Variants in TMEM132C observed in about 807,000 individuals in gnomAD.
The protein encoded by TMEM132C is transmembrane protein 132C.
A neutral mutation model predicts 61.4 loss-of-function variants in TMEM132C; 29 were observed. That is an observed-to-expected ratio of 0.47 (90% CI 0.35 to 0.64). The LOEUF (loss-of-function observed/expected upper bound fraction) is 0.64, where lower values mean the gene tolerates loss of function less well. TMEM132C is among the 30% of genes least tolerant of loss of function. The pLI is 0.00. For missense variants in TMEM132C, 1,408 were observed against 1,476.9 expected, an observed-to-expected ratio of 0.95 and a Z score of 0.76; for synonymous variants, 656 against 633.1, an observed-to-expected ratio of 1.04 and a Z score of -0.54.
chr12:128,685,942 C>G (rs1188765339), intron 5 of TMEM132C, among the ~76,000 whole-genome samples: 1 of 152,204 alleles, frequency 6.6e-6, no homozygotes, highest in Non-Finnish European at 1.5e-5. Context: ...GCCTGGATAA[C>G]TGTGGCCAGT....
chr12:128,311,853 G>A (rs1003956724), intron 1 of TMEM132C, among the ~76,000 whole-genome samples: 3 of 152,208 alleles, frequency 2.0e-5, no homozygotes, highest in Admixed American at 1.3e-4. Context: ...CCACCTCTAC[G>A]CAGTGTTTTT....
chr12:128,408,569 A>AAAATATTACAAGTTGCCT (rs1868398781), intron 1 of TMEM132C, among the ~76,000 whole-genome samples: 1 of 152,226 alleles, frequency 6.6e-6, no homozygotes, highest in African/African-American at 2.4e-5. Context: ...TGGTTTTTAC[A>AAAATATTACAAGTTGCCT]AAATATTACA....
At chr12:128,700,048 G>A (rs866259107) in intron 8 of TMEM132C, among the ~76,000 whole-genome samples, 2 of 152,234 alleles carry the variant, frequency 1.3e-5, no homozygotes, top group Non-Finnish European at 2.9e-5. Context: ...AAAGCATGAA[G>A]CTATTTGCTG....
rs550409468 is a variant in TMEM132C at position 128,647,119 on chromosome 12, A to G, written c.1306-22298A>G. ...AGCGTTGGATGTGAGTGTGTTTACT[A>G]GATCCCATCAGTGTTGGATGTGAGT... On this transcript the variant is annotated intron_variant, in intron 4 of 8. Coordinates refer to ENST00000435159, the MANE Select transcript of TMEM132C (RefSeq NM_001136103.3). Among the ~76,000 whole-genome samples, 619 of 119,396 alleles carry G rather than the reference A, an allele frequency of 5.2e-3. 2 individuals are homozygous for G. The highest frequency in any genetic ancestry group is 0.022 in the African/African-American group (585 of 26,686). The allele number at this position is 119,396 out of a possible 152,430, so 78.3% of individuals were successfully genotyped here. A position where few individuals can be genotyped will look rare whatever the true frequency, so the allele number is the denominator to read the frequency against.
intron 1 of TMEM132C, among the ~76,000 whole-genome samples, chr12:128,317,485 A>C (rs1872191445): frequency 6.6e-6 from 1 of 152,254 alleles, no homozygotes; most frequent in African/African-American, 2.4e-5. Flanking sequence ...AAGATGAGTC[A>C]AGCTGAAAAG....
rs1868708395 is a variant in TMEM132C at position 128,414,945 on chromosome 12, G to C, written c.299G>C (p.Gly100Ala). The C allele has an allele frequency of 1.9e-6, 3 of 1,551,734 alleles. No homozygotes were observed. In the East Asian group the frequency reaches 7.3e-5, roughly 38 times the overall value. Residue 100 changes from glycine (G) to alanine (A), a missense_variant, in exon 2 of 9, where the codon GGA becomes GCA. Physicochemically the swap from Gly to Ala is moderately conservative, Grantham distance 60 (BLOSUM62 0). Transcript: ENST00000435159. ...CCCCCAGTGCTCAATGCCAGCTATG[G>C]ACCCTTTTCTGTGGAGAAGGTTGTG... ...RQPPVLNASY[G>A]PFSVEKVVPL...
At chr12:128,534,684 G>A (rs1565965681) in intron 2 of TMEM132C, among the ~76,000 whole-genome samples, 1 of 152,196 alleles carries the variant, frequency 6.6e-6, no homozygotes. Flanking sequence ...GACTCTGGTT[G>A]CAAAACTTCT....
chr12:128,347,482 G>A (rs1357082681), intron 1 of TMEM132C, among the ~76,000 whole-genome samples: 1 of 149,330 alleles, frequency 6.7e-6, no homozygotes, highest in East Asian at 1.9e-4. Context: ...AGGCTGGAGT[G>A]CACTGGTGCA....
chr12:128,623,881 TAAG>T lies in TMEM132C; in HGVS notation c.1305+7557_1305+7559del, dbSNP rs931164596. On this transcript the variant is annotated intron_variant, in intron 4 of 8. Coordinates refer to ENST00000435159, the MANE Select transcript of TMEM132C (RefSeq NM_001136103.3). Reference sequence around the variant, plus strand: ...AAACAGAGAATATTTACATAAGCAATAAGAAGAAGAAGACGAAAGTGAAAAGAG... The same window carrying T: ...AAACAGAGAATATTTACATAAGCAATAAGAAGAAGACGAAAGTGAAAAGAG... Among the ~76,000 whole-genome samples the T allele has an allele frequency of 4.6e-5, 7 of 151,872 alleles. No individual in the cohort carries two copies. In the South Asian group the frequency reaches 8.3e-4, roughly 18 times the overall value.
At chr12:128,501,502 G>A (rs1317360127) in intron 2 of TMEM132C, among the ~76,000 whole-genome samples, 2 of 152,134 alleles carry the variant, frequency 1.3e-5, no homozygotes, top group Admixed American at 6.5e-5. Context: ...TTGAGACCAT[G>A]GAAACCATTG....
chr12:128,399,135 A>G lies in TMEM132C; in HGVS notation c.86-15597A>G, dbSNP rs113886585. Reference sequence around the variant, plus strand: ...ATAACCAAACAAAACTACAGATGCTAACTAGCAAGCAGATGAAACTCACAT... The same window carrying G: ...ATAACCAAACAAAACTACAGATGCTGACTAGCAAGCAGATGAAACTCACAT... On this transcript the variant is annotated intron_variant, in intron 1 of 8. Transcript: ENST00000435159. 1.6e-3 allele frequency among the ~76,000 whole-genome samples: 251 copies of G among 152,328 alleles called. 1 individual carries two copies. Among genetic ancestry groups the G allele is most frequent in the Non-Finnish European group, 3.2e-3 (216 of 68,030 alleles).
chr12:128,311,940 A>G (rs139270449), intron 1 of TMEM132C, among the ~76,000 whole-genome samples: 2 of 152,346 alleles, frequency 1.3e-5, no homozygotes, highest in African/African-American at 2.4e-5. Context: ...TCCTCTGCTT[A>G]TCTCAGATTG....
intron 1 of TMEM132C, among the ~76,000 whole-genome samples, chr12:128,310,355 G>C (rs555245409): frequency 6.6e-6 from 1 of 152,266 alleles, no homozygotes; most frequent in South Asian, 2.1e-4. Context: ...CCTGAGGCTG[G>C]GTAATTTATA....
At chr12:128,495,258 A>G (rs1409705560) in intron 2 of TMEM132C, among the ~76,000 whole-genome samples, 1 of 152,030 alleles carries the variant, frequency 6.6e-6, no homozygotes, top group Admixed American at 6.6e-5. Context: ...ACTTCCAACT[A>G]TGTGGTCACT....
chr12:128,478,523 T>G (rs1188640025), intron 2 of TMEM132C, among the ~76,000 whole-genome samples: 3 of 152,160 alleles, frequency 2.0e-5, no homozygotes, highest in Non-Finnish European at 4.4e-5. Flanking sequence ...GACTTTCTCT[T>G]TATCCCAATG....
At chr12:128,530,517 C>T (rs1353691779) in intron 2 of TMEM132C, among the ~76,000 whole-genome samples, 2 of 152,152 alleles carry the variant, frequency 1.3e-5, no homozygotes, top group African/African-American at 2.4e-5. Flanking sequence ...AATCTCGGCT[C>T]ACTGCAGCCT....
chr12:128,404,104 C>G (rs1195145292), intron 1 of TMEM132C, among the ~76,000 whole-genome samples: 1 of 152,182 alleles, frequency 6.6e-6, no homozygotes, highest in East Asian at 1.9e-4. Flanking sequence ...AAGTGTTTCT[C>G]AAGAAAATCA....
At chr12:128,537,049 G>A (rs1234241206) in intron 2 of TMEM132C, among the ~76,000 whole-genome samples, 1 of 152,162 alleles carries the variant, frequency 6.6e-6, no homozygotes, top group African/African-American at 2.4e-5. Flanking sequence ...AATATTTATG[G>A]GAGGAGAAGC....
Position 128,461,207 on chromosome 12 carries a change from T to A in TMEM132C, c.974+45587T>A, listed in dbSNP as rs571460033. ...GGGGAAGAAGAGGCAGTTGGCATTT[T>A]AAAATCTACATGTTCTGATTCTCTT... On this transcript the variant is annotated intron_variant, in intron 2 of 8. Transcript: ENST00000435159. Among the ~76,000 whole-genome samples the A allele has an allele frequency of 9.2e-5, 14 of 152,288 alleles. No homozygotes were observed. In the East Asian group the frequency reaches 2.7e-3, roughly 29 times the overall value.
Sources: allele counts gnomAD v4.1 joint callset (sites outside exome capture counted in the v4.1 genomes callset), GRCh38; gene constraint gnomAD v4.1.1; transcripts MANE v1.5; gene names NCBI Gene and HGNC (gene_info 2026-07-23, HGNC 2026-07-21).